Variants in CAMK1D observed in about 807,000 individuals in gnomAD.
CAMK1D encodes calcium/calmodulin-dependent protein kinase type 1D.
A neutral mutation model predicts 47.7 loss-of-function variants in CAMK1D; 9 were observed. The observed-to-expected ratio is 0.19, with a 90% CI of 0.11 to 0.33. The LOEUF (loss-of-function observed/expected upper bound fraction) is 0.33. Ranked by LOEUF, CAMK1D falls within the 10% of genes least tolerant of loss-of-function variation. CAMK1D has a pLI of 1.00. For synonymous variants in CAMK1D, 184 were observed against 184.9 expected, an observed-to-expected ratio of 0.99 and a Z score of 0.04; for missense variants, 291 against 488.7, an observed-to-expected ratio of 0.60 and a Z score of 3.81.
intron 3 of CAMK1D, among the ~76,000 whole-genome samples, chr10:12,670,384 G>C (rs1245865485): frequency 1.3e-5 from 2 of 151,400 alleles, no homozygotes; most frequent in Admixed American, 1.3e-4. Flanking sequence ...TCACATTCTT[G>C]GGTTGAAAGT....
intron 2 of CAMK1D, among the ~76,000 whole-genome samples, chr10:12,665,091 A>T (rs1000581369): frequency 6.6e-6 from 1 of 152,180 alleles, no homozygotes; most frequent in Non-Finnish European, 1.5e-5. Flanking sequence ...GTTTATTTTC[A>T]TATGCTGTAT....
At chr10:12,635,869 A>G (rs1052175748) in intron 2 of CAMK1D, among the ~76,000 whole-genome samples, 1 of 152,218 alleles carries the variant, frequency 6.6e-6, no homozygotes, top group Non-Finnish European at 1.5e-5. Context: ...ATTAGTAACA[A>G]TTCAGTACTT....
intron 1 of CAMK1D, among the ~76,000 whole-genome samples, chr10:12,390,836 T>A (rs1483467092): frequency 1.3e-5 from 2 of 152,098 alleles, no homozygotes; most frequent in African/African-American, 4.8e-5. Context: ...GGTCCAGCTG[T>A]CCCCACGGAG....
intron 2 of CAMK1D, among the ~76,000 whole-genome samples, chr10:12,619,621 A>G (rs1314607980): frequency 6.6e-6 from 1 of 152,152 alleles, no homozygotes; most frequent in Non-Finnish European, 1.5e-5. Flanking sequence ...TTACATTTTA[A>G]TTTTAACATT....
At chr10:12,544,555 AT>A (rs1460900008) in intron 1 of CAMK1D, among the ~76,000 whole-genome samples, 1 of 152,288 alleles carries the variant, frequency 6.6e-6, no homozygotes, top group African/African-American at 2.4e-5. Flanking sequence ...ATTCAGGCAC[AT>A]AAGTGCATGT....
chr10:12,462,253 C>T lies in CAMK1D; in HGVS notation c.93-90972C>T, dbSNP rs1247940053. Among the ~76,000 whole-genome samples, 16 of 149,360 alleles carry T rather than the reference C, an allele frequency of 1.1e-4. No homozygotes were observed. In the Admixed American group the frequency reaches 1.1e-3, roughly 10 times the overall value. On this transcript the variant is annotated intron_variant, in intron 1 of 10. Coordinates refer to ENST00000619168, the MANE Select transcript of CAMK1D (RefSeq NM_153498.4). ...TGATCTTGGCTCACTGCAACCTTCG[C>T]CTCCCAGGTTCAAGCAATTCTCCTG...
At chr10:12,581,062 C>A (rs1344714704) in intron 2 of CAMK1D, among the ~76,000 whole-genome samples, 4 of 152,058 alleles carry the variant, frequency 2.6e-5, no homozygotes, top group African/African-American at 9.7e-5. Context: ...CCCCAAGTCT[C>A]CAGAGTCCAT....
chr10:12,504,413 C>T lies in CAMK1D; in HGVS notation c.93-48812C>T, dbSNP rs1390441033. Among the ~76,000 whole-genome samples the T allele has an allele frequency of 3.3e-5, 5 of 152,232 alleles. No homozygotes were observed. In the East Asian group the frequency reaches 7.7e-4, roughly 24 times the overall value. On this transcript the variant is annotated intron_variant, in intron 1 of 10. Coordinates refer to ENST00000619168, the MANE Select transcript of CAMK1D (RefSeq NM_153498.4). ...AGGAGCACCAGTGTCCGAGGTCAGG[C>T]GGCGATGGGTAGCCCCGCTGAAGAA...
intron 1 of CAMK1D, among the ~76,000 whole-genome samples, chr10:12,527,071 A>G (rs895200621): frequency 2.6e-5 from 4 of 151,950 alleles, no homozygotes; most frequent in African/African-American, 9.7e-5. Context: ...AGACCATAGA[A>G]CCCTTTTATT....
chr10:12,400,220 A>G lies in CAMK1D; in HGVS notation c.92+50310A>G, dbSNP rs191215970. Among the ~76,000 whole-genome samples, 442 of 152,314 alleles carry G rather than the reference A, an allele frequency of 2.9e-3. 1 individual carries two copies. The highest frequency in any genetic ancestry group is 9.5e-3 in the African/African-American group (396 of 41,568). ...GAGTGGCAAGCATTTAATTTTTACA[A>G]GACAGTCTTTGGAAGCAGTCCCCTA... On this transcript the variant is annotated intron_variant, in intron 1 of 10. Coordinates refer to ENST00000619168, the MANE Select transcript of CAMK1D (RefSeq NM_153498.4).
intron 1 of CAMK1D, among the ~76,000 whole-genome samples, chr10:12,422,746 C>T (rs1840099498): frequency 6.6e-6 from 1 of 151,768 alleles, no homozygotes; most frequent in Non-Finnish European, 1.5e-5. Context: ...AATCTCGGCT[C>T]ACTGCAACCT....
chr10:12,807,963 G>A (rs1355149619), intron 6 of CAMK1D, among the ~76,000 whole-genome samples: 2 of 152,196 alleles, frequency 1.3e-5, no homozygotes, highest in African/African-American at 4.8e-5. Context: ...CCCACCTTAG[G>A]GTGGGGAATA....
At chr10:12,655,682 C>T (rs552455075) in intron 2 of CAMK1D, among the ~76,000 whole-genome samples, 2 of 152,294 alleles carry the variant, frequency 1.3e-5, no homozygotes, top group Middle Eastern at 3.4e-3. Context: ...CTCCTTTGGT[C>T]GAAAGACCGC....
chr10:12,378,949 A>T (rs1838265069), intron 1 of CAMK1D, among the ~76,000 whole-genome samples: 1 of 151,722 alleles, frequency 6.6e-6, no homozygotes, highest in Admixed American at 6.6e-5. Flanking sequence ...AGCTGGGACT[A>T]CAGGCACATA....
chr10:12,704,583 C>T (rs1197675950), intron 3 of CAMK1D, among the ~76,000 whole-genome samples: 1 of 151,908 alleles, frequency 6.6e-6, no homozygotes, highest in Admixed American at 6.6e-5. Flanking sequence ...GAAAGATTAC[C>T]CCAAGAATGA....
intron 1 of CAMK1D, among the ~76,000 whole-genome samples, chr10:12,393,181 A>G (rs887238001): frequency 3.3e-5 from 5 of 151,830 alleles, no homozygotes; most frequent in African/African-American, 4.8e-5. Flanking sequence ...ACAGGCGCCC[A>G]CCACCATGCC....
chr10:12,607,990 C>T (rs1206107495), intron 2 of CAMK1D, among the ~76,000 whole-genome samples: 2 of 151,982 alleles, frequency 1.3e-5, no homozygotes, highest in Non-Finnish European at 2.9e-5. Flanking sequence ...GAAAGAAAGA[C>T]AGACAGAAAG....
intron 5 of CAMK1D, among the ~76,000 whole-genome samples, chr10:12,786,227 G>C (rs992863247): frequency 1.3e-5 from 2 of 152,070 alleles, no homozygotes; most frequent in Non-Finnish European, 2.9e-5. Context: ...GCTTTGTCTT[G>C]TTTGCTGGGT....
At chr10:12,554,711 A>G (rs896697210) in intron 2 of CAMK1D, among the ~76,000 whole-genome samples, 1 of 113,826 alleles carries the variant, frequency 8.8e-6, no homozygotes, top group Non-Finnish European at 2.1e-5. Context: ...TAATTAAAAA[A>G]AAATTTTTTT....
Sources: gnomAD v4.1 joint callset for allele counts (sites outside exome capture counted in the v4.1 genomes callset) on GRCh38, gnomAD v4.1.1 for gene constraint, MANE v1.5 for transcripts, NCBI Gene and HGNC (gene_info 2026-07-23, HGNC 2026-07-21) for gene names.